Variants in ABCC1 observed in about 807,000 individuals in gnomAD.
The protein encoded by ABCC1 is multidrug resistance-associated protein 1.
In ABCC1, 83 loss-of-function variants were observed where a neutral mutation model predicts 172.9. That is an observed-to-expected ratio of 0.48 (90% CI 0.40 to 0.58). ABCC1 has a LOEUF of 0.58. Ranked by LOEUF, ABCC1 falls within the 20% of genes least tolerant of loss-of-function variation. ABCC1 has a pLI of 0.00. For missense variants in ABCC1, 1,817 were observed against 2,002.7 expected (o/e 0.91, Z 1.77); for synonymous variants, 937 against 825.2 (o/e 1.14, Z -2.32).
intron 24 of ABCC1, among the ~76,000 whole-genome samples, chr16:16,122,923 A>G (rs1270548014): frequency 1.3e-5 from 2 of 152,092 alleles, no homozygotes; most frequent in African/African-American, 2.4e-5. Context: ...GGAGATTGAC[A>G]TCTTGTGGAT....
intron 1 of ABCC1, among the ~76,000 whole-genome samples, chr16:15,979,015 A>G (rs1189558835): frequency 6.6e-6 from 1 of 152,112 alleles, no homozygotes; most frequent in Non-Finnish European, 1.5e-5. Context: ...TTTTTTGGCC[A>G]GGCGTGGTGG....
At chr16:15,971,618 CT>C (rs2046372016) in intron 1 of ABCC1, among the ~76,000 whole-genome samples, 1 of 152,168 alleles carries the variant, frequency 6.6e-6, no homozygotes, top group East Asian at 1.9e-4. Context: ...TGGCTACTTC[CT>C]GGTGAAAAGG....
chr16:16,002,914 G>A (rs932983107), intron 1 of ABCC1, among the ~76,000 whole-genome samples: 1 of 152,190 alleles, frequency 6.6e-6, no homozygotes, highest in Non-Finnish European at 1.5e-5. Context: ...TGTTAGCAAT[G>A]GTAGCTTGCC....
chr16:15,997,982 G>GTT, intron 1 of ABCC1, among the ~76,000 whole-genome samples: 2 of 147,232 alleles, frequency 1.4e-5, no homozygotes, highest in African/African-American at 2.5e-5. Flanking sequence ...GCTGGCTAAT[G>GTT]TATTTTTTTT....
intron 22 of ABCC1, 121 bp downstream of exon 22, chr16:16,111,703 GA>G: frequency 1.2e-6 from 1 of 844,560 alleles, no homozygotes. Flanking sequence ...GCCAAACCCA[GA>G]AAAATGGTAG....
intron 1 of ABCC1, among the ~76,000 whole-genome samples, chr16:15,983,903 G>A (rs181922813): frequency 6.6e-5 from 10 of 152,134 alleles, no homozygotes; most frequent in Admixed American, 5.2e-4. Flanking sequence ...GCCTGGGTCT[G>A]CATTTATTGC....
intron 1 of ABCC1, among the ~76,000 whole-genome samples, chr16:15,995,343 A>G (rs151144758): frequency 6.6e-6 from 1 of 152,204 alleles, no homozygotes; most frequent in South Asian, 2.1e-4. Context: ...TATAGACAGA[A>G]GAAGGCGGCA....
rs557646879 is a variant in ABCC1, at chr16:15,949,663, ACCCGCCGCCCGGTG to A, written c.-79_-66del. On this transcript the variant is annotated 5_prime_UTR_variant, in exon 1 of 31. Coordinates refer to ENST00000399410, the MANE Select transcript of ABCC1 (RefSeq NM_004996.4). ...CTAGCGCCAGCAGCCGGGCCCGATCACCCGCCGCCCGGTGCCCGCCGCCGCCCGCGCCAGCAACC... is the reference window on the plus strand; with the variant it reads ...CTAGCGCCAGCAGCCGGGCCCGATCACCCGCCGCCGCCCGCGCCAGCAACC... 11,612 of 729,336 alleles carry A rather than the reference ACCCGCCGCCCGGTG, an allele frequency of 0.016. 138 individuals are homozygous for A. The highest frequency in any genetic ancestry group is 0.048 in the Middle Eastern group (75 of 1,550). 45.2% of individuals were successfully genotyped at this position (729,336 alleles called of 1,614,324 possible).
intron 1 of ABCC1, among the ~76,000 whole-genome samples, chr16:15,954,731 G>A (rs955124777): frequency 3.3e-5 from 5 of 152,106 alleles, no homozygotes; most frequent in Admixed American, 2.0e-4. Context: ...CTCTTTCTCC[G>A]AGGACAAGTT....
intron 16 of ABCC1, 61 bp from the exon 17 acceptor site, chr16:16,083,305 T>C (rs1384698648): frequency 2.6e-6 from 4 of 1,545,910 alleles, no homozygotes. Flanking sequence ...GGCCAGCTGT[T>C]GTCTCGTTGA....
chr16:16,044,734 T>G, intron 8 of ABCC1, 54 bp downstream of exon 8: 1 of 1,506,978 alleles, frequency 6.6e-7, no homozygotes, highest in Non-Finnish European at 9.2e-7. Flanking sequence ...GGCTTTGATC[T>G]TTCAGTTGCA....
intron 6 of ABCC1, among the ~76,000 whole-genome samples, chr16:16,034,809 A>G (rs890761535): frequency 9.9e-5 from 15 of 151,872 alleles, no homozygotes; most frequent in African/African-American, 3.6e-4. Context: ...GCTGGTCTCA[A>G]ACTCCTGACT....
At chr16:16,073,447 C>A (rs529932375) in intron 14 of ABCC1, among the ~76,000 whole-genome samples, 22 of 152,302 alleles carry the variant, frequency 1.4e-4, no homozygotes, top group South Asian at 8.3e-4. Context: ...GCATGATTGT[C>A]AGCCTTATTT....
intron 5 of ABCC1, among the ~76,000 whole-genome samples, chr16:16,031,905 G>GCTCACATCCTCGGGT (rs1163653928): frequency 1.3e-5 from 2 of 152,030 alleles, no homozygotes; most frequent in Non-Finnish European, 2.9e-5. Context: ...ACTCTTTGGG[G>GCTCACATCCTCGGGT]CTCACATCCT....
intron 19 of ABCC1, among the ~76,000 whole-genome samples, chr16:16,099,492 C>A (rs1219328796): frequency 2.0e-5 from 3 of 152,154 alleles, no homozygotes; most frequent in African/African-American, 7.2e-5. Flanking sequence ...CTGAATCTGG[C>A]CACCTTAAAC....
At chr16:16,001,655 G>C (rs567597884) in intron 1 of ABCC1, among the ~76,000 whole-genome samples, 31 of 152,272 alleles carry the variant, frequency 2.0e-4, no homozygotes, top group African/African-American at 7.5e-4. Flanking sequence ...AATCCATATG[G>C]AAAGACCCTC....
In ABCC1 at chr16:16,050,029, A is replaced by T. The variant is rs149966907; in HGVS notation, c.1380+1726A>T. Among the ~76,000 whole-genome samples the T allele has an allele frequency of 2.3e-3, 344 of 152,068 alleles. 1 individual carries two copies. The highest frequency in any genetic ancestry group is 7.5e-3 in the African/African-American group (313 of 41,494). On this transcript the variant is annotated intron_variant, in intron 10 of 30. Coordinates refer to ENST00000399410, the MANE Select transcript of ABCC1 (RefSeq NM_004996.4). ...AATAGTTTTGTTTTGTTTTTTTTGCATGCTCAGTGTACTGCCTCCTCTTTG... is the reference window on the plus strand; with the variant it reads ...AATAGTTTTGTTTTGTTTTTTTTGCTTGCTCAGTGTACTGCCTCCTCTTTG...
intron 12 of ABCC1, chr16:16,056,642 C>G (rs948391551): frequency 3.3e-6 from 1 of 303,774 alleles, no homozygotes. Context: ...GCACTCCAGC[C>G]TGGGCGACAG....
At position 16,131,922 on chromosome 16, in the gene ABCC1, A is replaced by T. The variant is rs897228018; in HGVS notation, c.3953A>T (p.Asn1318Ile). The change falls in exon 27 of 31, where the codon AAT (asparagine) becomes ATT (isoleucine). Residue 1318 changes from asparagine (N) to isoleucine (I), a missense_variant. Asn to Ile is a moderately radical substitution (Grantham distance 149). Transcript: ENST00000399410. Reference protein sequence around the residue: ...FVLRHINVTINGGEKVGIVGR... With the variant: ...FVLRHINVTIIGGEKVGIVGR... The stretch of plus-strand genomic sequence containing the variant: ...CTCAGGCACATCAATGTCACGATCA[A>T]TGGGGGAGAAAAGGTGGGTACACAT... The T allele has an allele frequency of 3.7e-6, 6 of 1,613,900 alleles. No homozygotes were observed. Among genetic ancestry groups the T allele is most frequent in the Non-Finnish European group, 5.1e-6 (6 of 1,179,936 alleles).
Sources: allele counts gnomAD v4.1 joint callset (sites outside exome capture counted in the v4.1 genomes callset), GRCh38; gene constraint gnomAD v4.1.1; transcripts MANE v1.5; gene names NCBI Gene and HGNC (gene_info 2026-07-23, HGNC 2026-07-21).